CUBN: variants seen among roughly 807,000 people sequenced by gnomAD.
CUBN encodes 460 kDa receptor.
In CUBN, 282 loss-of-function variants were observed where a neutral mutation model predicts 405.3. The observed-to-expected ratio is 0.70, with a 90% confidence interval of 0.63 to 0.77. The LOEUF (loss-of-function observed/expected upper bound fraction) is 0.77. CUBN is among the 30% of genes least tolerant of loss of function. The pLI, the probability that CUBN is intolerant of heterozygous loss-of-function variation, is 0.00. For missense variants in CUBN, 4,514 were observed against 4,475.2 expected (o/e 1.01, Z -0.25); for synonymous variants, 1,684 against 1,617.0 (o/e 1.04, Z -0.99).
chr10:17,018,109 G>A lies in CUBN; in HGVS notation c.4168+1724C>T, dbSNP rs974853522. 3.9e-5 allele frequency among the ~76,000 whole-genome samples: 6 copies of A among 152,272 alleles called. No individual in the cohort carries two copies. In the Middle Eastern group the frequency reaches 0.014, roughly 345 times the overall value. On this transcript the variant is annotated intron_variant, in intron 28 of 66. Transcript: ENST00000377833. ...TCCCAACTCCGAAGAGTTGGGGGTT[G>A]TTAGAGAGCCGTTTCCCAGAAAGCC... is the stretch of plus-strand genomic sequence containing the variant.
intron 29 of CUBN, among the ~76,000 whole-genome samples, chr10:16,985,282 G>A (rs935579380): frequency 6.6e-6 from 1 of 152,202 alleles, no homozygotes; most frequent in African/African-American, 2.4e-5. Context: ...GAACAACGTG[G>A]CAGAGAAGGA....
chr10:16,829,924 G>A lies in CUBN; in HGVS notation c.10529-884C>T, dbSNP rs543999653. The stretch of plus-strand genomic sequence containing the variant: ...GCAAGCTCCACCTCCCGGGTTCATG[G>A]TGGGTTTTTTTTGTTTTGTTTTTTT... On this transcript the variant is annotated intron_variant, in intron 65 of 66. Transcript: ENST00000377833. 1.1e-4 allele frequency among the ~76,000 whole-genome samples: 15 copies of A among 132,846 alleles called. No individual in the cohort carries two copies. In the South Asian group the frequency reaches 3.5e-3, roughly 31 times the overall value. 87.2% of individuals were successfully genotyped at this position (132,846 alleles called of 152,430 possible).
At chr10:16,861,029 A>G (rs535741598) in intron 59 of CUBN, among the ~76,000 whole-genome samples, 1 of 152,088 alleles carries the variant, frequency 6.6e-6, no homozygotes, top group African/African-American at 2.4e-5. Flanking sequence ...CTCTCTCAGC[A>G]CCTATTGTTC....
chr10:16,890,426 G>T lies in CUBN; in HGVS notation c.8700C>A (p.Ala2900=). 1 of 1,614,014 alleles carries T rather than the reference G, an allele frequency of 6.2e-7. No homozygotes were observed. Among genetic ancestry groups the T allele is most frequent in the Non-Finnish European group, 8.5e-7 (1 of 1,180,000 alleles). The change falls in exon 55 of 67, where the codon GCC becomes GCA. Residue 2900 remains alanine (A), a synonymous_variant. Transcript: ENST00000377833. The stretch of plus-strand genomic sequence containing the variant: ...CTGGTGCCTCCTGAGACTGGAAGAC[G>T]GCAGTGAATGTGTTACTTGGTGTGA... ...PVITPSNTFT[A]VFQSQEAPAQ...
chr10:16,861,005 T>TCC (rs1839996687), intron 59 of CUBN, among the ~76,000 whole-genome samples: 1 of 151,520 alleles, frequency 6.6e-6, no homozygotes, highest in Admixed American at 6.6e-5. Flanking sequence ...ATGCCTGGCC[T>TCC]TTGCATATCT....
At chr10:16,973,582 T>G (rs887700929) in intron 31 of CUBN, among the ~76,000 whole-genome samples, 2 of 151,194 alleles carry the variant, frequency 1.3e-5, no homozygotes, top group African/African-American at 4.9e-5. Context: ...CAGTCTATTT[T>G]GTCACCCAGG....
chr10:16,826,719 G>A (rs1241794067), intron 66 of CUBN, among the ~76,000 whole-genome samples: 2 of 152,072 alleles, frequency 1.3e-5, no homozygotes, highest in Non-Finnish European at 2.9e-5. Context: ...GGATTAAATG[G>A]CCGTCACTTC....
At chr10:16,964,429 A>G (rs1015056764) in intron 31 of CUBN, among the ~76,000 whole-genome samples, 13 of 152,142 alleles carry the variant, frequency 8.5e-5, no homozygotes, top group African/African-American at 3.1e-4. Flanking sequence ...ATTATATATA[A>G]TATTATCTTA....
intron 28 of CUBN, among the ~76,000 whole-genome samples, chr10:17,012,501 G>C (rs981451626): frequency 4.6e-5 from 7 of 152,202 alleles, no homozygotes; most frequent in African/African-American, 1.7e-4. Context: ...TGGGATTGTA[G>C]TTACTATCCT....
intron 40 of CUBN, among the ~76,000 whole-genome samples, chr10:16,930,720 C>CA (rs1165140063): frequency 2.0e-5 from 3 of 152,100 alleles, no homozygotes; most frequent in Non-Finnish European, 4.4e-5. Context: ...GCAGGTGGGA[C>CA]AGTGACTCAG....
intron 26 of CUBN, among the ~76,000 whole-genome samples, chr10:17,042,309 A>G (rs1393687823): frequency 6.6e-6 from 1 of 152,200 alleles, no homozygotes; most frequent in Non-Finnish European, 1.5e-5. Flanking sequence ...GCAGATAGGC[A>G]TCACGTGCCT....
At chr10:16,867,780 T>C (rs1840229006) in intron 59 of CUBN, among the ~76,000 whole-genome samples, 1 of 152,180 alleles carries the variant, frequency 6.6e-6, no homozygotes, top group South Asian at 2.1e-4. Context: ...GACTTTTCCT[T>C]CTGTTAAATC....
At chr10:16,833,888 A>C (rs1441248227) in intron 64 of CUBN, among the ~76,000 whole-genome samples, 1 of 152,180 alleles carries the variant, frequency 6.6e-6, no homozygotes. Flanking sequence ...TGAGAAAAAA[A>C]ATAAAATAAA....
In CUBN at chr10:16,869,853, C is replaced by T. The variant is rs1157964243; in HGVS notation, c.9237G>A (p.Lys3079=). The T allele has an allele frequency of 1.9e-6, 3 of 1,599,842 alleles. No individual in the cohort carries two copies. The highest frequency in any genetic ancestry group is 4.5e-5 in the East Asian group (2 of 44,790). Reference sequence around the variant, plus strand: ...AGGGAACCACATCAAAATCACTGAACCTGTGAAATGTACCTTGTTAATACT... The same window carrying T: ...AGGGAACCACATCAAAATCACTGAATCTGTGAAATGTACCTTGTTAATACT... ...TVSDDKVIEL[K]FSDFDVVPST... is the part of the protein sequence containing the mutation. The change falls in exon 59 of 67, where the codon AAG becomes AAA. Residue 3079 remains lysine, a splice_region_variant and synonymous_variant. Coordinates refer to ENST00000377833, the MANE Select transcript of CUBN (RefSeq NM_001081.4).
At chr10:17,017,920 C>A (rs960542124) in intron 28 of CUBN, among the ~76,000 whole-genome samples, 3 of 152,120 alleles carry the variant, frequency 2.0e-5, no homozygotes, top group Non-Finnish European at 4.4e-5. Context: ...GATAGATGGG[C>A]AAGTCTTGCT....
intron 59 of CUBN, among the ~76,000 whole-genome samples, chr10:16,865,160 G>A (rs771253722): frequency 1.3e-5 from 2 of 151,260 alleles, no homozygotes; most frequent in East Asian, 2.0e-4. Flanking sequence ...AGTAGAGACG[G>A]GGTTTCACCA....
Position 17,103,165 on chromosome 10 carries a change from T to A in CUBN, c.1490A>T (p.Asp497Val). 2.5e-6 allele frequency: 4 copies of A among 1,613,942 alleles called. No homozygotes were observed. The highest frequency in any genetic ancestry group is 3.4e-6 in the Non-Finnish European group (4 of 1,179,894). ...TTTGATAACCCAGAAGCAGTTAACA[T>A]CATGAACATAACCAACATCCGGGCT... ...YRSPDVGYVH[D>V]VNCFWVIKTE... Residue 497 changes from aspartate to valine, a missense_variant, in exon 13 of 67, where the codon GAT becomes GTT. By Grantham distance (152) the Asp-to-Val change is radical (BLOSUM62 -3). Coordinates refer to ENST00000377833, the MANE Select transcript of CUBN (RefSeq NM_001081.4).
chr10:16,948,404 A>C, intron 35 of CUBN, 74 bp downstream of exon 35: 2 of 1,603,146 alleles, frequency 1.2e-6, no homozygotes, highest in Non-Finnish European at 1.7e-6. Flanking sequence ...CGAAGGTCAG[A>C]GTCCCCAATA....
intron 27 of CUBN, among the ~76,000 whole-genome samples, chr10:17,029,843 T>C (rs1834752217): frequency 2.0e-5 from 3 of 152,190 alleles, no homozygotes; most frequent in South Asian, 4.1e-4. Flanking sequence ...TCCCAGTGGC[T>C]TTTGTAGGAA....
Sources: gnomAD v4.1 joint callset for allele counts (sites outside exome capture counted in the v4.1 genomes callset) on GRCh38, gnomAD v4.1.1 for gene constraint, MANE v1.5 for transcripts, NCBI Gene and HGNC (gene_info 2026-07-23, HGNC 2026-07-21) for gene names.